C8orf89: variants seen among roughly 807,000 people sequenced by gnomAD.
C8orf89 encodes the protein putative uncharacterized protein C8orf89.
In C8orf89, 14 loss-of-function variants were observed where a neutral mutation model predicts 15.8. The ratio of observed to expected loss-of-function variants is 0.89; its 90% CI spans 0.59 to 1.39. C8orf89 has a LOEUF of 1.39. Ranked by LOEUF, C8orf89 falls within the 40% of genes most tolerant of loss-of-function variation. C8orf89 has a pLI of 0.00. For synonymous variants in C8orf89, 55 were observed against 62.2 expected, an observed-to-expected ratio of 0.88 and a Z score of 0.54; for missense variants, 181 against 184.5, an observed-to-expected ratio of 0.98 and a Z score of 0.11.
At chr8:73,243,843 A>G (rs563264211) in intron 3 of C8orf89, among the ~76,000 whole-genome samples, 2 of 152,234 alleles carry the variant, frequency 1.3e-5, no homozygotes, top group Admixed American at 1.3e-4. Flanking sequence ...ATGCTACTTT[A>G]TAAAATGACT....
At chr8:73,272,593 A>C in the C8orf89 span, among the ~76,000 whole-genome samples, 2 of 151,838 alleles carry the variant, frequency 1.3e-5, no homozygotes, top group African/African-American at 2.4e-5. Context: ...TCCTAATGCT[A>C]TCCCTCCCCC....
At chr8:73,263,089 CT>C (rs768263447), upstream of C8orf89, among the ~76,000 whole-genome samples, 27 of 151,932 alleles carry the variant, frequency 1.8e-4, no homozygotes, top group Non-Finnish European at 3.4e-4. Flanking sequence ...TAAAAAATCA[CT>C]GAAAAAATGC....
chr8:73,243,887 T>C (rs1331453111), intron 3 of C8orf89, among the ~76,000 whole-genome samples: 3 of 152,166 alleles, frequency 2.0e-5, no homozygotes, highest in Non-Finnish European at 1.5e-5. Context: ...TAAAAAACCT[T>C]TAATGCTTGT....
chr8:73,245,241 G>A (rs1422826517), intron 3 of C8orf89, among the ~76,000 whole-genome samples: 4 of 152,176 alleles, frequency 2.6e-5, no homozygotes, highest in African/African-American at 7.2e-5. Flanking sequence ...AATTCAAGAT[G>A]AGATTTCAAT....
chr8:73,246,666 C>T (rs1320263398), intron 3 of C8orf89, among the ~76,000 whole-genome samples: 1 of 152,120 alleles, frequency 6.6e-6, no homozygotes, highest in African/African-American at 2.4e-5. Context: ...CGTGAGCCAC[C>T]GCACCCAGCC....
At chr8:73,275,353 C>G in the C8orf89 span, among the ~76,000 whole-genome samples, 2 of 150,992 alleles carry the variant, frequency 1.3e-5, no homozygotes, top group African/African-American at 2.4e-5. Context: ...TCTCCTGTCT[C>G]AGCCTCCGGA....
At chr8:73,278,785 A>G in the C8orf89 span, among the ~76,000 whole-genome samples, 9 of 152,252 alleles carry the variant, frequency 5.9e-5, no homozygotes, top group East Asian at 1.4e-3. Flanking sequence ...ACCCTTTCCT[A>G]TCAATAGAAT....
At chr8:73,278,716 A>G in the C8orf89 span, among the ~76,000 whole-genome samples, 1 of 152,182 alleles carries the variant, frequency 6.6e-6, no homozygotes, top group Non-Finnish European at 1.5e-5. Context: ...AATTTTGTTG[A>G]TACTATATCT....
the C8orf89 span, among the ~76,000 whole-genome samples, chr8:73,273,944 A>G: frequency 6.6e-6 from 1 of 152,136 alleles, no homozygotes; most frequent in South Asian, 2.1e-4. Context: ...ACTAAGAAAT[A>G]CCATTAAAAG....
the C8orf89 span, among the ~76,000 whole-genome samples, chr8:73,274,811 CT>C: frequency 1.3e-5 from 2 of 152,112 alleles, no homozygotes; most frequent in Admixed American, 6.6e-5. Context: ...TCTTCTGCAA[CT>C]TTTTTTCACT....
chr8:73,263,249 A>T (rs961632093), upstream of C8orf89, among the ~76,000 whole-genome samples: 1 of 152,230 alleles, frequency 6.6e-6, no homozygotes, highest in Admixed American at 6.5e-5. Flanking sequence ...ATGGTGGCTC[A>T]CACCTATAAT....
upstream of C8orf89, among the ~76,000 whole-genome samples, chr8:73,263,683 G>A (rs981729184): frequency 6.6e-6 from 1 of 152,116 alleles, no homozygotes; most frequent in Non-Finnish European, 1.5e-5. Flanking sequence ...GTCAAGCATG[G>A]AAGATGTAAT....
At chr8:73,243,769 A>G (rs1813061578) in intron 3 of C8orf89, among the ~76,000 whole-genome samples, 1 of 152,098 alleles carries the variant, frequency 6.6e-6, no homozygotes. Flanking sequence ...GCTTCAAGTC[A>G]CCTGCCCACC....
In C8orf89 at chr8:73,256,973, C is replaced by A; in HGVS notation, c.281G>T (p.Arg94Met). The change falls in exon 2 of 4, where the codon AGG (arginine) becomes ATG (methionine). Residue 94 changes from arginine (R) to methionine (M), a missense_variant and splice_region_variant. By Grantham distance (91) the Arg-to-Met change is moderately conservative. Transcript: ENST00000624510. ...PRADAEVSAV[R>M]LKKTKETCSV... Reference sequence around the variant, plus strand: ...TGAGAATTAAATAGCAATGATCTACCTGACTGCAGACACCTCGGCATCAGC... The same window carrying A: ...TGAGAATTAAATAGCAATGATCTACATGACTGCAGACACCTCGGCATCAGC... 1 of 1,531,332 alleles carries A rather than the reference C, an allele frequency of 6.5e-7. No homozygotes were observed. The highest frequency in any genetic ancestry group is 8.7e-7 in the Non-Finnish European group (1 of 1,144,724). 94.9% of individuals were successfully genotyped at this position (1,531,332 alleles called of 1,614,324 possible). A position where few individuals can be genotyped will look rare whatever the true frequency, so the allele number is the denominator to read the frequency against.
At chr8:73,263,204 T>C (rs1177257096), upstream of C8orf89, among the ~76,000 whole-genome samples, 1 of 152,140 alleles carries the variant, frequency 6.6e-6, no homozygotes, top group South Asian at 2.1e-4. Flanking sequence ...CAAATATGGG[T>C]GTATTTAAAC....
At chr8:73,279,005 T>G in the C8orf89 span, among the ~76,000 whole-genome samples, 1 of 152,236 alleles carries the variant, frequency 6.6e-6, no homozygotes, top group African/African-American at 2.4e-5. Context: ...TGTACCAAAC[T>G]GTCCTAAGTA....
At position 73,249,232 on chromosome 8, in the gene C8orf89, G is replaced by A. The variant is rs1456818807; in HGVS notation, c.337+1036C>T. Among the ~76,000 whole-genome samples, 13 of 152,032 alleles carry A rather than the reference G, an allele frequency of 8.6e-5. No homozygotes were observed. In the East Asian group the frequency reaches 2.3e-3, roughly 27 times the overall value. On this transcript the variant is annotated intron_variant, in intron 3 of 3. Coordinates refer to ENST00000624510, the MANE Select transcript of C8orf89 (RefSeq NM_001243237.3). ...ATGTAATGAATTGCCTTATTGATTTGGGTATGTTGAACCAACCTTGCACTG... is the reference window on the plus strand; with the variant it reads ...ATGTAATGAATTGCCTTATTGATTTAGGTATGTTGAACCAACCTTGCACTG...
At chr8:73,276,804 C>CCTTT in the C8orf89 span, among the ~76,000 whole-genome samples, 1 of 71,356 alleles carries the variant, frequency 1.4e-5, no homozygotes, top group Non-Finnish European at 2.9e-5. Flanking sequence ...GCACAGCAGT[C>CCTTT]ATTTTTTTTT....
the C8orf89 span, among the ~76,000 whole-genome samples, chr8:73,279,785 C>T: frequency 6.6e-6 from 1 of 152,188 alleles, no homozygotes. Flanking sequence ...GCTCTCAGGA[C>T]ACTCACCTTT....
Sources: gnomAD v4.1 joint callset for allele counts (sites outside exome capture counted in the v4.1 genomes callset) on GRCh38, gnomAD v4.1.1 for gene constraint, MANE v1.5 for transcripts, NCBI Gene and HGNC (gene_info 2026-07-23, HGNC 2026-07-21) for gene names.